Variants in SCAPER observed in about 807,000 individuals in gnomAD.
SCAPER encodes the protein S-phase cyclin A associated protein in the ER.
In SCAPER, 98 loss-of-function variants were observed where a neutral mutation model predicts 182.2. The observed-to-expected ratio is 0.54, with a 90% CI of 0.46 to 0.64. The LOEUF is 0.64. Ranked by LOEUF, SCAPER falls within the 30% of genes least tolerant of loss-of-function variation. The probability of loss-of-function intolerance (pLI) is 0.00; values close to 1 mark genes in which losing one functional copy is unlikely to be tolerated. For synonymous variants in SCAPER, 605 were observed against 564.6 expected (o/e 1.07, Z -1.01); for missense variants, 1,432 against 1,690.0 (o/e 0.85, Z 2.68).
chr15:76,719,123 A>G (rs1184011299), intron 17 of SCAPER, among the ~76,000 whole-genome samples: 2 of 152,236 alleles, frequency 1.3e-5, no homozygotes, highest in African/African-American at 4.8e-5. Flanking sequence ...GGCATTATTC[A>G]TAATAGCCAA....
chr15:76,637,377 A>G (rs960696466), intron 21 of SCAPER, among the ~76,000 whole-genome samples: 1 of 152,114 alleles, frequency 6.6e-6, no homozygotes, highest in African/African-American at 2.4e-5. Flanking sequence ...TCAAAATATA[A>G]AGGTTCCAAT....
intron 5 of SCAPER, among the ~76,000 whole-genome samples, chr15:76,810,729 T>A (rs2066537073): frequency 6.6e-6 from 1 of 152,010 alleles, no homozygotes; most frequent in African/African-American, 2.4e-5. Flanking sequence ...GTGACTAAAT[T>A]ATTTGGGGTT....
chr15:76,432,333 T>A (rs1313980270), intron 26 of SCAPER, among the ~76,000 whole-genome samples: 1 of 152,166 alleles, frequency 6.6e-6, no homozygotes, highest in African/African-American at 2.4e-5. Context: ...TCTCCAGTAA[T>A]AAATACACTT....
intron 2 of SCAPER, among the ~76,000 whole-genome samples, chr15:76,881,297 T>C (rs1445748182): frequency 6.6e-6 from 1 of 152,202 alleles, no homozygotes; most frequent in Admixed American, 6.5e-5. Context: ...GGTTTCGCCA[T>C]GTTGGCCAAG....
intron 25 of SCAPER, among the ~76,000 whole-genome samples, chr15:76,452,612 G>T (rs186024369): frequency 2.0e-5 from 3 of 152,296 alleles, no homozygotes; most frequent in Admixed American, 2.0e-4. Flanking sequence ...CCATAAGGAA[G>T]ACATTTTAAG....
At chr15:76,616,630 T>C (rs1179022877) in intron 22 of SCAPER, among the ~76,000 whole-genome samples, 1 of 152,190 alleles carries the variant, frequency 6.6e-6, no homozygotes, top group Non-Finnish European at 1.5e-5. Context: ...TTGCTATATG[T>C]ATTTCATCAC....
intron 15 of SCAPER, among the ~76,000 whole-genome samples, chr15:76,743,777 GA>G (rs565197370): frequency 5.1e-4 from 77 of 151,738 alleles, no homozygotes; most frequent in Non-Finnish European, 8.3e-4. Flanking sequence ...CACAAAATTA[GA>G]AAAAAAACTA....
At chr15:76,880,230 T>A (rs1318325021) in intron 2 of SCAPER, among the ~76,000 whole-genome samples, 1 of 152,248 alleles carries the variant, frequency 6.6e-6, no homozygotes, top group African/African-American at 2.4e-5. Context: ...AACTTCTATA[T>A]GATACTATAA....
At chr15:76,844,847 C>T (rs1426798314) in intron 4 of SCAPER, among the ~76,000 whole-genome samples, 1 of 152,112 alleles carries the variant, frequency 6.6e-6, no homozygotes, top group Non-Finnish European at 1.5e-5. Context: ...GGAGGGAATA[C>T]TTCCAAAATC....
At chr15:76,641,939 A>C (rs1288808099) in intron 21 of SCAPER, among the ~76,000 whole-genome samples, 1 of 152,210 alleles carries the variant, frequency 6.6e-6, no homozygotes, top group Non-Finnish European at 1.5e-5. Flanking sequence ...ACACAGACAG[A>C]CTTGATTTTA....
rs75468747 is a variant in SCAPER, at chr15:76,577,145, A to G, written c.2712-2861T>C. 1.4e-3 allele frequency among the ~76,000 whole-genome samples: 218 copies of G among 152,130 alleles called. 4 individuals are homozygous for G. The East Asian group carries it at 0.041, about 28-fold the overall frequency. On this transcript the variant is annotated intron_variant, in intron 22 of 31. Coordinates refer to ENST00000563290, the MANE Select transcript of SCAPER (RefSeq NM_020843.4). The stretch of plus-strand genomic sequence containing the variant: ...CCCTATGCTTGAGGAGAGGGGAGGG[A>G]AGACTAAAGAGGACTCTGTGCCAGG...
chr15:76,836,453 A>G (rs1198566592), intron 5 of SCAPER, among the ~76,000 whole-genome samples: 2 of 152,192 alleles, frequency 1.3e-5, no homozygotes, highest in Non-Finnish European at 2.9e-5. Context: ...CAACAATAAC[A>G]AGCAATGAAT....
intron 15 of SCAPER, among the ~76,000 whole-genome samples, chr15:76,748,010 G>A (rs1470782735): frequency 7.0e-6 from 1 of 142,978 alleles, no homozygotes; most frequent in Non-Finnish European, 1.5e-5. Context: ...TTTTTTTTGA[G>A]ACGGAGTTTC....
At chr15:76,457,155 C>T (rs1028097552) in intron 25 of SCAPER, among the ~76,000 whole-genome samples, 38 of 151,972 alleles carry the variant, frequency 2.5e-4, no homozygotes, top group African/African-American at 8.0e-4. Flanking sequence ...CTCCGCCTCC[C>T]GGGTTCAAGT....
intron 22 of SCAPER, among the ~76,000 whole-genome samples, chr15:76,615,738 T>G (rs957271396): frequency 6.7e-6 from 1 of 150,236 alleles, no homozygotes; most frequent in Admixed American, 6.7e-5. Flanking sequence ...GAGAATTACT[T>G]GAACCCGGGA....
chr15:76,401,354 C>T (rs945430363), intron 27 of SCAPER, among the ~76,000 whole-genome samples: 6 of 152,154 alleles, frequency 3.9e-5, no homozygotes, highest in Non-Finnish European at 7.3e-5. Flanking sequence ...ATCTCCCCTA[C>T]ATTTGTTCTA....
chr15:76,806,877 TA>T (rs763300080), intron 5 of SCAPER, among the ~76,000 whole-genome samples: 8 of 152,310 alleles, frequency 5.3e-5, no homozygotes, highest in Admixed American at 1.3e-4. Context: ...TCCTAGTGTA[TA>T]AAAATACAAC....
intron 22 of SCAPER, among the ~76,000 whole-genome samples, chr15:76,614,529 T>A (rs1249909488): frequency 6.6e-6 from 1 of 152,032 alleles, no homozygotes; most frequent in Non-Finnish European, 1.5e-5. Flanking sequence ...AAAACAAACC[T>A]GAAAAATTCA....
chr15:76,722,133 T>G lies in SCAPER; in HGVS notation c.2165+6462A>C, dbSNP rs537960229. Among the ~76,000 whole-genome samples, 403 of 152,314 alleles carry G rather than the reference T, an allele frequency of 2.6e-3. 2 individuals carry two copies. Among genetic ancestry groups the G allele is most frequent in the African/African-American group, 9.2e-3 (383 of 41,564 alleles). The stretch of plus-strand genomic sequence containing the variant: ...CCTAATTTATTGAGAATTTTTAGCA[T>G]GAAGGGTTGTTGAATTTTGTCAAAG... On this transcript the variant is annotated intron_variant, in intron 17 of 31. Coordinates refer to ENST00000563290, the MANE Select transcript of SCAPER (RefSeq NM_020843.4).
Sources: allele counts gnomAD v4.1 joint callset (sites outside exome capture counted in the v4.1 genomes callset), GRCh38; gene constraint gnomAD v4.1.1; transcripts MANE v1.5; gene names NCBI Gene and HGNC (gene_info 2026-07-23, HGNC 2026-07-21).